Variants in RNF168 observed in about 807,000 individuals in gnomAD.
RNF168 encodes E3 ubiquitin-protein ligase RNF168.
Under a neutral mutation model 34.9 loss-of-function variants are expected in RNF168, and 34 were observed. The observed-to-expected ratio is 0.97, with a 90% CI of 0.74 to 1.30. The LOEUF (loss-of-function observed/expected upper bound fraction) is 1.30, where lower values mean the gene tolerates loss of function less well. Among genes scored for constraint, RNF168 ranks in the 50% most tolerant of loss-of-function variants. The pLI, the probability that RNF168 is intolerant of heterozygous loss-of-function variation, is 0.00. For synonymous variants in RNF168, 264 were observed against 254.7 expected, an observed-to-expected ratio of 1.04 and a Z score of -0.35; for missense variants, 725 against 682.5, an observed-to-expected ratio of 1.06 and a Z score of -0.69.
chr3:196,480,067 C>CCT (rs61294200), intron 4 of RNF168, among the ~76,000 whole-genome samples: 97,858 of 151,754 alleles, frequency 0.64, 32,594 homozygotes, highest in African/African-American at 0.77. Flanking sequence ...GTAAATATTC[C>CCT]GTCTTCATCT....
chr3:196,472,626 G>C lies in RNF168; in HGVS notation c.909C>G (p.Ala303=). The change falls in exon 6 of 6, where the codon GCC becomes GCG. Residue 303 remains alanine (A), a synonymous_variant. Transcript: ENST00000318037. ...SIESPMPWLC[A]CGAEWYHEGN... is the part of the protein sequence containing the mutation. ...CTTCATGGTACCATTCGGCACCACA[G>C]GCACATAACCATGGCATAGGGGACT... The C allele has an allele frequency of 6.2e-7, 1 of 1,613,604 alleles. No individual in the cohort carries two copies. The highest frequency in any genetic ancestry group is 8.5e-7 in the Non-Finnish European group (1 of 1,179,566).
At chr3:196,496,898 A>C (rs1345333856) in intron 1 of RNF168, among the ~76,000 whole-genome samples, 1 of 152,238 alleles carries the variant, frequency 6.6e-6, no homozygotes, top group African/African-American at 2.4e-5. Flanking sequence ...TAATCCCAGC[A>C]CTTTGGAAGG....
In RNF168 at chr3:196,472,609, T is replaced by C; in HGVS notation, c.926A>G (p.Tyr309Cys). The change falls in exon 6 of 6, where the codon TAC becomes TGC. Residue 309 changes from tyrosine to cysteine, a missense_variant. Coordinates refer to ENST00000318037, the MANE Select transcript of RNF168 (RefSeq NM_152617.4). ...PWLCACGAEW[Y>C]HEGNVKTRPS... ...TCTTGTTTTGACGTTTCCTTCATGG[T>C]ACCATTCGGCACCACAGGCACATAA... is the stretch of plus-strand genomic sequence containing the variant. The C allele has an allele frequency of 6.2e-7, 1 of 1,614,176 alleles. No individual in the cohort carries two copies. Among genetic ancestry groups the C allele is most frequent in the South Asian group, 1.1e-5 (1 of 91,084 alleles).
At chr3:196,475,338 C>A in intron 4 of RNF168, 26 bp from the exon 5 acceptor site, 1 of 1,367,946 alleles carries the variant, frequency 7.3e-7, no homozygotes, top group Non-Finnish European at 1.0e-6. Context: ...ACCAAAGTTT[C>A]AATGCTTTCA....
intron 3 of RNF168, among the ~76,000 whole-genome samples, chr3:196,487,146 T>G (rs1732449610): frequency 6.6e-6 from 1 of 152,240 alleles, no homozygotes; most frequent in South Asian, 2.1e-4. Flanking sequence ...ATGTTATCAA[T>G]AGCTTCTAAT....
chr3:196,483,594 G>A lies in RNF168; in HGVS notation c.680+176C>T, dbSNP rs191383371. ...TCTGCCACAGTAAGTGGCTGAGTGA[G>A]AAGCCAAGAGGAAGCTGTGTGAGTA... On this transcript the variant is annotated intron_variant, in intron 4 of 5. Transcript: ENST00000318037. Among the ~76,000 whole-genome samples, 51 of 152,326 alleles carry A rather than the reference G, an allele frequency of 3.3e-4. 1 individual carries two copies. In the East Asian group the frequency reaches 9.1e-3, roughly 27 times the overall value.
chr3:196,492,604 C>T (rs1732621738), intron 1 of RNF168, among the ~76,000 whole-genome samples: 1 of 151,974 alleles, frequency 6.6e-6, no homozygotes, highest in Non-Finnish European at 1.5e-5. Flanking sequence ...GGCAAATAAC[C>T]CTATGTCTAC....
intron 1 of RNF168, among the ~76,000 whole-genome samples, chr3:196,501,917 G>T (rs1234565951): frequency 6.6e-6 from 1 of 151,968 alleles, no homozygotes; most frequent in Non-Finnish European, 1.5e-5. Flanking sequence ...TAGGTGAATT[G>T]TATGGTCTGC....
intron 1 of RNF168, among the ~76,000 whole-genome samples, chr3:196,496,447 G>T (rs1360490820): frequency 2.0e-5 from 3 of 152,114 alleles, no homozygotes; most frequent in Non-Finnish European, 4.4e-5. Flanking sequence ...TTCTGTGCGT[G>T]TCTGTCTCTG....
chr3:196,475,845 C>A (rs148080645), intron 4 of RNF168, among the ~76,000 whole-genome samples: 1 of 142,934 alleles, frequency 7.0e-6, no homozygotes, highest in African/African-American at 2.6e-5. Context: ...CCACTGAGCC[C>A]GGCTAAATAT....
At chr3:196,479,192 T>C (rs1403813441) in intron 4 of RNF168, among the ~76,000 whole-genome samples, 1 of 150,370 alleles carries the variant, frequency 6.7e-6, no homozygotes, top group East Asian at 2.0e-4. Flanking sequence ...TTTGTATTTT[T>C]AGTAGAGATG....
rs747312129 is a variant in RNF168 at position 196,488,577 on chromosome 3, T to G, written c.378+30A>C. 3.3e-6 allele frequency: 4 copies of G among 1,225,160 alleles called. No homozygotes were observed. In the East Asian group the frequency reaches 9.3e-5, roughly 28 times the overall value. 75.9% of individuals were successfully genotyped at this position (1,225,160 alleles called of 1,614,324 possible). On this transcript the variant is annotated intron_variant, in intron 2 of 5. Transcript: ENST00000318037. ...AAACTAAAAACACAGCAGAGAAATA[T>G]TCCAAAAAAAAAAACTATTTAGCAC...
At chr3:196,483,731 T>C in intron 4 of RNF168, 39 bp downstream of exon 4, 2 of 1,564,886 alleles carry the variant, frequency 1.3e-6, no homozygotes, top group Non-Finnish European at 1.8e-6. Context: ...TGGCATACAG[T>C]AGGAGGTCAA....
chr3:196,495,080 AT>A (rs1283323411), intron 1 of RNF168, among the ~76,000 whole-genome samples: 1 of 152,090 alleles, frequency 6.6e-6, no homozygotes, highest in African/African-American at 2.4e-5. Flanking sequence ...TATTTTGAAA[AT>A]TTTCAAATCT....
At position 196,500,808 on chromosome 3, in the gene RNF168, T is replaced by TTCA. The variant is rs960749664; in HGVS notation, c.301+2062_301+2064dup. ...CTCACTGCAAGCTCCGCCTCCCGGGTTCACGCCATTCTCCGGCCTCAGCCT... is the reference window on the plus strand; with the variant it reads ...CTCACTGCAAGCTCCGCCTCCCGGGTTCATCACGCCATTCTCCGGCCTCAGCCT... On this transcript the variant is annotated intron_variant, in intron 1 of 5. Coordinates refer to ENST00000318037, the MANE Select transcript of RNF168 (RefSeq NM_152617.4). Among the ~76,000 whole-genome samples, 23 of 151,902 alleles carry TTCA rather than the reference T, an allele frequency of 1.5e-4. 1 individual carries two copies. The highest frequency in any genetic ancestry group is 7.9e-4 in the Admixed American group (12 of 15,242).
intron 4 of RNF168, among the ~76,000 whole-genome samples, chr3:196,476,396 A>C (rs1732150147): frequency 6.6e-6 from 1 of 151,292 alleles, no homozygotes; most frequent in Non-Finnish European, 1.5e-5. Flanking sequence ...GTTATCATAC[A>C]TACTTTTATA....
At chr3:196,478,643 ACT>A (rs765548438) in intron 4 of RNF168, among the ~76,000 whole-genome samples, 15 of 151,374 alleles carry the variant, frequency 9.9e-5, no homozygotes, top group African/African-American at 1.9e-4. Context: ...TGAAATACAC[ACT>A]CTTTTTGATT....
rs552088657 is a variant in RNF168, at chr3:196,489,322, A to T, written c.302-639T>A. On this transcript the variant is annotated intron_variant, in intron 1 of 5. Coordinates refer to ENST00000318037, the MANE Select transcript of RNF168 (RefSeq NM_152617.4). ...AATTAGCAGAGGAGGTTAACTGATT[A>T]AAAAAAAATGTTTTTTTTTTTTGAG... Among the ~76,000 whole-genome samples the T allele has an allele frequency of 2.3e-5, 3 of 132,232 alleles. No individual in the cohort carries two copies. The East Asian group carries it at 5.9e-4, about 26-fold the overall frequency. The allele number at this position is 132,232 out of a possible 152,430, so 86.7% of individuals were successfully genotyped here. A position where few individuals can be genotyped will look rare whatever the true frequency, so the allele number is the denominator to read the frequency against.
intron 1 of RNF168, among the ~76,000 whole-genome samples, chr3:196,490,444 G>A (rs1732565396): frequency 6.6e-6 from 1 of 152,096 alleles, no homozygotes; most frequent in Admixed American, 6.6e-5. Flanking sequence ...GCTTTCTCAA[G>A]AAAATCCAGA....
Sources: gnomAD v4.1 joint callset for allele counts (sites outside exome capture counted in the v4.1 genomes callset) on GRCh38, gnomAD v4.1.1 for gene constraint, MANE v1.5 for transcripts, NCBI Gene and HGNC (gene_info 2026-07-23, HGNC 2026-07-21) for gene names.